CSMD1: variants seen among roughly 807,000 people sequenced by gnomAD.
CSMD1 encodes CUB and sushi domain-containing protein 1.
Under a neutral mutation model 417.5 loss-of-function variants are expected in CSMD1, and 213 were observed. The ratio of observed to expected loss-of-function variants is 0.51; its 90% CI spans 0.46 to 0.57. CSMD1 has a LOEUF of 0.57. Among genes scored for constraint, CSMD1 ranks in the 20% least tolerant of loss-of-function variants. The pLI is 0.00. For synonymous variants in CSMD1, 2,862 were observed against 1,736.8 expected, an observed-to-expected ratio of 1.65 and a Z score of -16.11; for missense variants, 6,923 against 4,529.7, an observed-to-expected ratio of 1.53 and a Z score of -15.17.
intron 3 of CSMD1, among the ~76,000 whole-genome samples, chr8:4,145,831 C>T (rs1219261110): frequency 1.3e-5 from 2 of 151,130 alleles, no homozygotes; most frequent in Non-Finnish European, 2.9e-5. Context: ...GAATGGCTTC[C>T]AGGAAGCAGA....
rs1265643657 is a variant in CSMD1 at position 4,281,942 on chromosome 8, G to T, written c.415+138011C>A. Among the ~76,000 whole-genome samples the T allele has an allele frequency of 2.0e-5, 3 of 152,172 alleles. No individual in the cohort carries two copies. The South Asian group carries it at 6.2e-4, about 31-fold the overall frequency. On this transcript the variant is annotated intron_variant, in intron 3 of 69. Transcript: ENST00000635120. ...TGATGACATAGATGCTGGTGAATGTGCCTGTTAGGGCTTGATCAGGTTTAC... is the reference window on the plus strand; with the variant it reads ...TGATGACATAGATGCTGGTGAATGTTCCTGTTAGGGCTTGATCAGGTTTAC...
chr8:3,470,979 AAT>A (rs142847098), intron 11 of CSMD1, among the ~76,000 whole-genome samples: 3,541 of 152,246 alleles, frequency 0.023, 120 homozygotes, highest in East Asian at 0.15. Flanking sequence ...AGCTGCTTTG[AAT>A]ATGTGTGTGC....
At chr8:4,794,338 G>T (rs1160293542) in intron 1 of CSMD1, among the ~76,000 whole-genome samples, 1 of 152,168 alleles carries the variant, frequency 6.6e-6, no homozygotes, top group Non-Finnish European at 1.5e-5. Flanking sequence ...CCTTAGAAAT[G>T]AGTGACTATT....
chr8:4,403,859 T>G (rs913645131), intron 3 of CSMD1, among the ~76,000 whole-genome samples: 1 of 152,092 alleles, frequency 6.6e-6, no homozygotes, highest in Non-Finnish European at 1.5e-5. Flanking sequence ...GAATTTACAT[T>G]TAACTTGCCT....
At chr8:4,020,204 C>G (rs1189832474) in intron 4 of CSMD1, among the ~76,000 whole-genome samples, 1 of 152,134 alleles carries the variant, frequency 6.6e-6, no homozygotes, top group South Asian at 2.1e-4. Flanking sequence ...ACATAAAAAT[C>G]TTGAGGCCAG....
chr8:3,708,545 C>G, intron 6 of CSMD1, 54 bp from the exon 7 acceptor site: 1 of 1,470,102 alleles, frequency 6.8e-7, no homozygotes, highest in Non-Finnish European at 9.5e-7. Flanking sequence ...ATCATAAAAC[C>G]ATGTTGTATC....
chr8:4,941,966 A>T (rs1169515175), intron 1 of CSMD1, among the ~76,000 whole-genome samples: 1 of 152,162 alleles, frequency 6.6e-6, no homozygotes, highest in Non-Finnish European at 1.5e-5. Flanking sequence ...TCCAGTGAGT[A>T]TGTGTTGTTT....
intron 11 of CSMD1, among the ~76,000 whole-genome samples, chr8:3,492,277 G>A (rs1286030849): frequency 6.6e-6 from 1 of 152,130 alleles, no homozygotes; most frequent in African/African-American, 2.4e-5. Flanking sequence ...AGAGCATAAA[G>A]ACATGAAGGA....
intron 3 of CSMD1, among the ~76,000 whole-genome samples, chr8:4,125,020 A>G (rs914599595): frequency 6.6e-6 from 1 of 151,246 alleles, no homozygotes. Flanking sequence ...GCCGCCGCAC[A>G]CTCTTGGGGT....
At chr8:4,303,053 G>A (rs1296572421) in intron 3 of CSMD1, among the ~76,000 whole-genome samples, 1 of 152,006 alleles carries the variant, frequency 6.6e-6, no homozygotes, top group Admixed American at 6.6e-5. Context: ...ACACATACAA[G>A]GAAGTAGGTA....
chr8:3,578,083 G>C (rs1232919884), intron 9 of CSMD1, among the ~76,000 whole-genome samples: 1 of 152,152 alleles, frequency 6.6e-6, no homozygotes, highest in Non-Finnish European at 1.5e-5. Context: ...TTTCATAGTG[G>C]AGAGAGAAGA....
chr8:3,108,103 G>C (rs1446320098), intron 44 of CSMD1, among the ~76,000 whole-genome samples: 1 of 152,166 alleles, frequency 6.6e-6, no homozygotes, highest in African/African-American at 2.4e-5. Context: ...GTCACAACCT[G>C]GCTCCCTGTC....
At chr8:4,206,900 TTTTATAA>T (rs1398229942) in intron 3 of CSMD1, among the ~76,000 whole-genome samples, 2 of 152,216 alleles carry the variant, frequency 1.3e-5, no homozygotes, top group African/African-American at 4.8e-5. Flanking sequence ...AAACTAAATA[TTTTATAA>T]TTTAGAGTTG....
At chr8:3,782,453 G>A (rs768340060) in intron 5 of CSMD1, among the ~76,000 whole-genome samples, 2 of 152,164 alleles carry the variant, frequency 1.3e-5, no homozygotes, top group Admixed American at 6.5e-5. Context: ...CAGCAGTAAT[G>A]ACGCATAACA....
intron 1 of CSMD1, among the ~76,000 whole-genome samples, chr8:4,646,275 T>C (rs1803509687): frequency 1.3e-5 from 2 of 152,358 alleles, no homozygotes; most frequent in South Asian, 2.1e-4. Flanking sequence ...ATGTCAGGTA[T>C]TTATTTATCT....
chr8:3,571,416 T>C (rs982504540), intron 10 of CSMD1, among the ~76,000 whole-genome samples: 2 of 152,228 alleles, frequency 1.3e-5, no homozygotes, highest in African/African-American at 4.8e-5. Context: ...TATATTGTTC[T>C]GAACTGGAAA....
chr8:4,135,261 T>A lies in CSMD1; in HGVS notation c.416-103162A>T, dbSNP rs150123017. On this transcript the variant is annotated intron_variant, in intron 3 of 69. Coordinates refer to ENST00000635120, the MANE Select transcript of CSMD1 (RefSeq NM_033225.6). ...AATATATTTATTCATGTCTAATGCC[T>A]TCCTTAACAACCATTAGAAGGAGGG... 1.8e-3 allele frequency among the ~76,000 whole-genome samples: 270 copies of A among 151,212 alleles called. 4 individuals are homozygous for A. The East Asian group carries it at 0.018, about 10-fold the overall frequency.
rs570880030 is a variant in CSMD1, at chr8:3,430,023, A to G, written c.1562-20418T>C. ...GTATACATGTACAAATTTAATTATAAAAGAGGATAAATCAGAACAAAAATA... is the reference window on the plus strand; with the variant it reads ...GTATACATGTACAAATTTAATTATAGAAGAGGATAAATCAGAACAAAAATA... On this transcript the variant is annotated intron_variant, in intron 12 of 69. Transcript: ENST00000635120. 7.9e-4 allele frequency among the ~76,000 whole-genome samples: 121 copies of G among 152,294 alleles called. 3 individuals are homozygous for G. The South Asian group carries it at 0.011, about 13-fold the overall frequency.
intron 3 of CSMD1, among the ~76,000 whole-genome samples, chr8:4,159,972 T>A (rs1797055950): frequency 6.6e-6 from 1 of 151,982 alleles, no homozygotes; most frequent in Non-Finnish European, 1.5e-5. Context: ...GATAAAAGAC[T>A]ACCAATTGGG....
Sources: allele counts gnomAD v4.1 joint callset (sites outside exome capture counted in the v4.1 genomes callset), GRCh38; gene constraint gnomAD v4.1.1; transcripts MANE v1.5; gene names NCBI Gene and HGNC (gene_info 2026-07-23, HGNC 2026-07-21).